CSGALNACT1: variants seen among roughly 807,000 people sequenced by gnomAD.
CSGALNACT1 encodes chondroitin sulfate N-acetylgalactosaminyltransferase 1, also known as beta4GalNAcT-1.
A neutral mutation model predicts 51.0 loss-of-function variants in CSGALNACT1; 52 were observed. That is an observed-to-expected ratio of 1.02 (90% CI 0.82 to 1.29). The LOEUF (loss-of-function observed/expected upper bound fraction) is 1.29, where lower values mean the gene tolerates loss of function less well. Ranked by LOEUF, CSGALNACT1 falls within the 50% of genes most tolerant of loss-of-function variation. The probability of loss-of-function intolerance (pLI) is 0.00; values close to 1 mark genes in which losing one functional copy is unlikely to be tolerated. For synonymous variants in CSGALNACT1, 341 were observed against 254.4 expected (o/e 1.34, Z -3.24); for missense variants, 935 against 679.2 (o/e 1.38, Z -4.19).
intron 3 of CSGALNACT1, among the ~76,000 whole-genome samples, chr8:19,553,268 C>T (rs368694599): frequency 1.3e-5 from 2 of 151,798 alleles, no homozygotes; most frequent in African/African-American, 4.8e-5. Context: ...TCCACTGAAC[C>T]ACACTAAAAT....
intron 1 of CSGALNACT1, among the ~76,000 whole-genome samples, chr8:19,735,452 C>T (rs904354207): frequency 2.6e-5 from 4 of 151,982 alleles, no homozygotes; most frequent in Non-Finnish European, 4.4e-5. Context: ...TTCCAATGAC[C>T]ATAAGCTCAA....
upstream of CSGALNACT1, chr8:19,682,801 C>T (rs140804344): frequency 2.2e-5 from 10 of 452,470 alleles, no homozygotes; most frequent in African/African-American, 1.0e-4. Context: ...GCAGCCTTTC[C>T]GGCCAGCACA....
Position 19,464,945 on chromosome 8 carries a change from G to A in CSGALNACT1, c.635-6303C>T, listed in dbSNP as rs182441724. On this transcript the variant is annotated intron_variant, in intron 4 of 9. Transcript: ENST00000454498. The stretch of plus-strand genomic sequence containing the variant: ...ATGCAGTTTGGTACTTCCTCACAAA[G>A]TTAAACATAGAAATACCATATGATT... 5.2e-3 allele frequency among the ~76,000 whole-genome samples: 796 copies of A among 152,208 alleles called. 5 individuals carry two copies. The highest frequency in any genetic ancestry group is 8.5e-3 in the Non-Finnish European group (580 of 68,008).
At chr8:19,685,811 G>A (rs543887290), upstream of CSGALNACT1, among the ~76,000 whole-genome samples, 7 of 152,276 alleles carry the variant, frequency 4.6e-5, no homozygotes, top group Admixed American at 6.5e-5. Context: ...ACATACCAAC[G>A]AGAAGGAGTG....
intron 1 of CSGALNACT1, among the ~76,000 whole-genome samples, chr8:19,756,827 G>A (rs1156981434): frequency 6.6e-6 from 1 of 152,124 alleles, no homozygotes; most frequent in Non-Finnish European, 1.5e-5. Flanking sequence ...TTTGCAGAAA[G>A]CAATCAGACA....
intron 4 of CSGALNACT1, among the ~76,000 whole-genome samples, chr8:19,465,594 C>G (rs1213526952): frequency 6.6e-6 from 1 of 152,218 alleles, no homozygotes; most frequent in Non-Finnish European, 1.5e-5. Flanking sequence ...TTCCACCTTC[C>G]CCTTTTAAAT....
chr8:19,655,792 C>G (rs1168897252), intron 1 of CSGALNACT1, among the ~76,000 whole-genome samples: 1 of 151,970 alleles, frequency 6.6e-6, no homozygotes, highest in African/African-American at 2.4e-5. Flanking sequence ...CAAAAATATT[C>G]CAACTATCTC....
At chr8:19,640,799 G>T (rs1564327347) in intron 1 of CSGALNACT1, among the ~76,000 whole-genome samples, 1 of 151,686 alleles carries the variant, frequency 6.6e-6, no homozygotes, top group African/African-American at 2.4e-5. Flanking sequence ...TTCTACACTT[G>T]AAAAAAGATT....
At chr8:19,628,954 C>A (rs892645692) in intron 1 of CSGALNACT1, among the ~76,000 whole-genome samples, 23 of 152,286 alleles carry the variant, frequency 1.5e-4, no homozygotes, top group Admixed American at 4.6e-4. Context: ...CTGTGTCAGT[C>A]AGTCCCATAG....
intron 5 of CSGALNACT1, chr8:19,457,695 G>A (rs1281977253): frequency 7.6e-7 from 1 of 1,318,398 alleles, no homozygotes; most frequent in Non-Finnish European, 1.0e-6. Context: ...AAACAAGCTG[G>A]TGAAATCACT....
At chr8:19,533,666 G>C (rs2975485) in intron 3 of CSGALNACT1, among the ~76,000 whole-genome samples, 47,150 of 151,930 alleles carry the variant, frequency 0.31, 7,596 homozygotes, top group Non-Finnish European at 0.35. Flanking sequence ...TTGAGAGCAA[G>C]GAATGGCTCT....
chr8:19,521,725 A>G (rs2080760836), intron 3 of CSGALNACT1, among the ~76,000 whole-genome samples: 1 of 152,192 alleles, frequency 6.6e-6, no homozygotes, highest in Non-Finnish European at 1.5e-5. Flanking sequence ...CTGAGGATGG[A>G]GCTGCCACTG....
intron 3 of CSGALNACT1, among the ~76,000 whole-genome samples, chr8:19,563,587 C>T (rs2041268130): frequency 6.6e-6 from 1 of 152,186 alleles, no homozygotes; most frequent in East Asian, 1.9e-4. Context: ...ACCATCACCG[C>T]TCTTGAATAT....
At chr8:19,555,480 A>G (rs2089488633) in intron 3 of CSGALNACT1, among the ~76,000 whole-genome samples, 1 of 152,192 alleles carries the variant, frequency 6.6e-6, no homozygotes, top group Admixed American at 6.5e-5. Context: ...TCGAGATTTC[A>G]CGTGCTTCCC....
chr8:19,715,378 G>GAGAAC, intron 1 of CSGALNACT1, among the ~76,000 whole-genome samples: 1 of 152,274 alleles, frequency 6.6e-6, no homozygotes, highest in Non-Finnish European at 1.5e-5. Context: ...GAACATATGG[G>GAGAAC]ATTTGCTATT....
intron 1 of CSGALNACT1, among the ~76,000 whole-genome samples, chr8:19,690,854 G>T (rs1038780793): frequency 1.3e-5 from 2 of 152,042 alleles, no homozygotes; most frequent in African/African-American, 4.8e-5. Context: ...TGAGATCAGG[G>T]ATAAGCAAAA....
chr8:19,667,025 A>G (rs2059394997), intron 1 of CSGALNACT1, among the ~76,000 whole-genome samples: 3 of 41,672 alleles, frequency 7.2e-5, no homozygotes, highest in Admixed American at 2.5e-4. Context: ...GAAAGGAAGG[A>G]AGGAAGGAAG....
chr8:19,408,112 C>T (rs2054711075), intron 9 of CSGALNACT1, among the ~76,000 whole-genome samples: 1 of 152,106 alleles, frequency 6.6e-6, no homozygotes, highest in South Asian at 2.1e-4. Context: ...CAGGAGAGGG[C>T]AGAGCAGCCA....
At chr8:19,573,037 C>A (rs1349420274) in intron 3 of CSGALNACT1, among the ~76,000 whole-genome samples, 1 of 152,142 alleles carries the variant, frequency 6.6e-6, no homozygotes, top group East Asian at 1.9e-4. Flanking sequence ...ACACAGGGGA[C>A]AAAGGATGAA....
Sources: allele counts gnomAD v4.1 joint callset (sites outside exome capture counted in the v4.1 genomes callset), GRCh38; gene constraint gnomAD v4.1.1; transcripts MANE v1.5; gene names NCBI Gene and HGNC (gene_info 2026-07-23, HGNC 2026-07-21).